Variants in MAST3 observed in about 807,000 individuals in gnomAD.
The protein encoded by MAST3 is microtubule-associated serine/threonine-protein kinase 3.
In MAST3, 43 loss-of-function variants were observed where a neutral mutation model predicts 127.0. That is an observed-to-expected ratio of 0.34 (90% CI 0.27 to 0.44). MAST3 has a LOEUF of 0.44. Among genes scored for constraint, MAST3 ranks in the 20% least tolerant of loss-of-function variants. The pLI is 1.00. For missense variants in MAST3, 1,390 were observed against 1,919.1 expected, an observed-to-expected ratio of 0.72 and a Z score of 5.15; for synonymous variants, 785 against 809.2, an observed-to-expected ratio of 0.97 and a Z score of 0.51.
intron 12 of MAST3, 114 bp from the exon 13 acceptor site, chr19:18,128,752 G>A: frequency 1.2e-6 from 1 of 812,504 alleles, no homozygotes; most frequent in South Asian, 1.5e-5. Flanking sequence ...GGAGAAGTTT[G>A]GACAGGGGAG....
chr19:18,146,911 G>T lies in MAST3; in HGVS notation c.3193G>T (p.Ala1065Ser). The change falls in exon 26 of 28, where the codon GCC becomes TCC. Residue 1065 changes from alanine (A) to serine (S), a missense_variant. Physicochemically the swap from Ala to Ser is moderately conservative, Grantham distance 99. Around this residue, in one of 5 missense-constraint regions of MAST3, gnomAD observed 816 missense variants for 934.1 expected, o/e 0.87. Coordinates refer to ENST00000687212, the MANE Select transcript of MAST3 (RefSeq NM_001393504.1). Reference protein sequence around the residue: ...SGNKISLRTTALENTSIKVGP... With the variant: ...SGNKISLRTTSLENTSIKVGP... ...CAACAAGATATCCCTGCGGACCACA[G>T]CCCTGGAGAACACCTCCATCAAGGT... 2 of 1,557,334 alleles carry T rather than the reference G, an allele frequency of 1.3e-6. No homozygotes were observed. Among genetic ancestry groups the T allele is most frequent in the African/African-American group, 2.7e-5 (2 of 73,442 alleles).
chr19:18,122,814 T>TTG (rs1262369685), intron 6 of MAST3, 63 bp downstream of exon 6: 1 of 1,504,390 alleles, frequency 6.6e-7, no homozygotes. Flanking sequence ...GGACACATCT[T>TTG]TGTGTGTTTT....
chr19:18,114,347 G>A (rs898576861), intron 3 of MAST3, among the ~76,000 whole-genome samples: 1 of 151,366 alleles, frequency 6.6e-6, no homozygotes, highest in Non-Finnish European at 1.5e-5. Context: ...GCGCCACCAC[G>A]CCCTGCTAGT....
chr19:18,119,927 G>A (rs2039764319), intron 3 of MAST3, among the ~76,000 whole-genome samples: 1 of 152,222 alleles, frequency 6.6e-6, no homozygotes, highest in South Asian at 2.1e-4. Context: ...AGATTCTCCC[G>A]CCGCTGAGCT....
chr19:18,106,642 G>A (rs1311789702), intron 1 of MAST3, among the ~76,000 whole-genome samples: 1 of 151,394 alleles, frequency 6.6e-6, no homozygotes, highest in Non-Finnish European at 1.5e-5. Flanking sequence ...TGTGACCTCG[G>A]CTCACTGCAA....
In MAST3 at chr19:18,147,566, C is replaced by T. The variant is rs1394882245; in HGVS notation, c.3450C>T (p.His1150=). 1 of 1,584,220 alleles carries T rather than the reference C, an allele frequency of 6.3e-7. No individual in the cohort carries two copies. Among genetic ancestry groups the T allele is most frequent in the African/African-American group, 1.4e-5 (1 of 74,026 alleles). ...SSESLPGSPT[H]SLSPSPTTPC... is the part of the protein sequence containing the mutation. Reference sequence around the variant, plus strand: ...AGAGCCTCCCCGGCTCGCCCACCCACAGCCTCTCCCCCAGCCCCACCACTC... The same window carrying T: ...AGAGCCTCCCCGGCTCGCCCACCCATAGCCTCTCCCCCAGCCCCACCACTC... The change falls in exon 27 of 28, where the codon CAC becomes CAT. Residue 1150 remains histidine (H), a synonymous_variant. Transcript: ENST00000687212.
rs1259598855 is a variant in MAST3, at chr19:18,149,727, TC to T, written c.*5del. 1.2e-6 allele frequency: 2 copies of T among 1,611,498 alleles called. No homozygotes were observed. The highest frequency in any genetic ancestry group is 2.2e-5 in the East Asian group (1 of 44,816). On this transcript the variant is annotated 3_prime_UTR_variant, in exon 28 of 28. Transcript: ENST00000687212. The surrounding 1 kb of genome is among the most constrained non-coding windows in gnomAD (Gnocchi z 5.9). ...TCTCGGGCCCACCGGAAGAGACTGA[TC>T]CCCTGCCAGGTCTCTCCCTGGCATC...
chr19:18,100,805 CAG>C (rs1264375169), intron 1 of MAST3, among the ~76,000 whole-genome samples: 2 of 152,208 alleles, frequency 1.3e-5, no homozygotes, highest in Admixed American at 6.5e-5. Context: ...CCCAGCCAAT[CAG>C]GGGGTAGATC....
At chr19:18,125,174 C>T (rs1442476100) in intron 11 of MAST3, among the ~76,000 whole-genome samples, 1 of 152,150 alleles carries the variant, frequency 6.6e-6, no homozygotes, top group Non-Finnish European at 1.5e-5. Flanking sequence ...ATTCCAGAAC[C>T]ACCGCACTGT....
At chr19:18,130,798 C>T in intron 14 of MAST3, 96 bp downstream of exon 14, 3 of 1,239,604 alleles carry the variant, frequency 2.4e-6, no homozygotes, top group Non-Finnish European at 3.4e-6. Flanking sequence ...TCTGTTCTGT[C>T]CTCCATGAGG....
chr19:18,134,780 G>A (rs1432898675), intron 16 of MAST3, 37 bp from the exon 17 acceptor site: 2 of 1,613,592 alleles, frequency 1.2e-6, no homozygotes, highest in Non-Finnish European at 1.7e-6. Flanking sequence ...TCTTGGGCTG[G>A]GGGCTGGCCT....
intron 14 of MAST3, among the ~76,000 whole-genome samples, 188 bp downstream of exon 14, chr19:18,130,890 C>A (rs749983385): frequency 6.6e-6 from 1 of 152,064 alleles, no homozygotes; most frequent in Non-Finnish European, 1.5e-5. Flanking sequence ...CTGGAGGAGC[C>A]CAGACAGGAG....
At chr19:18,115,414 C>T (rs188394964) in intron 3 of MAST3, among the ~76,000 whole-genome samples, 1 of 151,932 alleles carries the variant, frequency 6.6e-6, no homozygotes, top group African/African-American at 2.4e-5. Context: ...GCGCCTTTAC[C>T]GAGTGTGTGC....
intron 19 of MAST3, 138 bp downstream of exon 19, chr19:18,137,499 C>A (rs2147556751): frequency 1.0e-6 from 1 of 1,001,190 alleles, no homozygotes; most frequent in Non-Finnish European, 1.5e-6. Flanking sequence ...ACTTCCTGAG[C>A]CTTCCAAGAA....
rs1489802586 is a variant in MAST3, at chr19:18,143,772, C to T, written c.2349C>T (p.Ser783=). ...CTCTTCCTCCCTGCAGGCTGAGGTC[C>T]TGGACATCCTCTGGATCCTCCTGTC... ...RRLSADIRLR[S]WTSSGSSCQS... Residue 783 remains serine, a synonymous_variant, in exon 22 of 28, where the codon TCC becomes TCT. Coordinates refer to ENST00000687212, the MANE Select transcript of MAST3 (RefSeq NM_001393504.1). 6 of 1,613,486 alleles carry T rather than the reference C, an allele frequency of 3.7e-6. No homozygotes were observed. The Admixed American group carries it at 6.7e-5, about 18-fold the overall frequency.
Position 18,149,103 on chromosome 19 carries a change from C to T in MAST3, c.3509-88C>T. ...GGGTGGCCACATGGAAGGATGTGGG[C>T]TTTAGCAGTTTTTGTCAGTCCCACA... On this transcript the variant is annotated intron_variant, in intron 27 of 27. Transcript: ENST00000687212. This position sits in a 1 kb window ranked among gnomAD's most constrained non-coding sequence, Gnocchi z 5.9. The T allele has an allele frequency of 7.5e-7, 1 of 1,341,178 alleles. No homozygotes were observed. The highest frequency in any genetic ancestry group is 3.7e-5 in the Admixed American group (1 of 26,784). 83.1% of individuals were successfully genotyped at this position (1,341,178 alleles called of 1,614,324 possible).
Position 18,138,849 on chromosome 19 carries a change from G to A in MAST3, c.2096-166G>A, listed in dbSNP as rs11883312. Reference sequence around the variant, plus strand: ...GTGTTGATCCCCAGATATCTGCTCTGCCGCCCAAGCCTCCCGTGGTCCTTA... The same window carrying A: ...GTGTTGATCCCCAGATATCTGCTCTACCGCCCAAGCCTCCCGTGGTCCTTA... On this transcript the variant is annotated intron_variant, in intron 19 of 27. Coordinates refer to ENST00000687212, the MANE Select transcript of MAST3 (RefSeq NM_001393504.1). 4.5e-3 allele frequency among the ~76,000 whole-genome samples: 685 copies of A among 152,178 alleles called. 8 individuals are homozygous for A. The highest frequency in any genetic ancestry group is 0.016 in the African/African-American group (656 of 41,512).
At chr19:18,122,011 T>C in intron 5 of MAST3, 89 bp downstream of exon 5, 1 of 1,537,686 alleles carries the variant, frequency 6.5e-7, no homozygotes, top group South Asian at 1.2e-5. Context: ...ACCTGGCTCC[T>C]CATTCATTTC....
Position 18,124,254 on chromosome 19 carries a change from A to C in MAST3, c.844-11A>C. The C allele has an allele frequency of 6.3e-7, 1 of 1,599,240 alleles. No individual in the cohort carries two copies. ...GGACCTGTGGGTGATGCCACGACCCACCTCCCCCAGGCCCATGAGCGTTCG... is the reference window on the plus strand; with the variant it reads ...GGACCTGTGGGTGATGCCACGACCCCCCTCCCCCAGGCCCATGAGCGTTCG... On this transcript the variant is annotated splice_polypyrimidine_tract_variant and intron_variant, in intron 9 of 27. Transcript: ENST00000687212.
Sources: gnomAD v4.1 joint callset for allele counts (sites outside exome capture counted in the v4.1 genomes callset) on GRCh38, gnomAD v4.1.1 for gene constraint, gnomAD v4.1.1 regional missense constraint, Gnocchi (gnomAD v3.1) non-coding constraint, MANE v1.5 for transcripts, NCBI Gene and HGNC (gene_info 2026-07-23, HGNC 2026-07-21) for gene names.